The following PIP5K1B variants were observed in gnomAD, a reference collection of about 807,000 sequenced individuals.
PIP5K1B encodes phosphatidylinositol 4-phosphate 5-kinase type-1 beta.
Under a neutral mutation model 67.0 loss-of-function variants are expected in PIP5K1B, and 42 were observed. That is an observed-to-expected ratio of 0.63 (90% CI 0.49 to 0.81). The LOEUF (loss-of-function observed/expected upper bound fraction) is 0.81, where lower values mean the gene tolerates loss of function less well. Among genes scored for constraint, PIP5K1B ranks in the 30% least tolerant of loss-of-function variants. The probability of loss-of-function intolerance (pLI) is 0.00; values close to 1 mark genes in which losing one functional copy is unlikely to be tolerated. For missense variants in PIP5K1B, 459 were observed against 646.3 expected, an observed-to-expected ratio of 0.71 and a Z score of 3.14; for synonymous variants, 214 against 231.4, an observed-to-expected ratio of 0.92 and a Z score of 0.68.
rs200797718 is a variant in PIP5K1B at position 68,918,087 on chromosome 9, A to ATTT, written c.983+329_983+331dup. ...TTTGAATAAACATGTTTTATTGTTT[A>ATTT]TTTATTTATTTTTTTTTTTTGAGAC... On this transcript the variant is annotated intron_variant, in intron 9 of 15. Transcript: ENST00000265382. Among the ~76,000 whole-genome samples, 26 of 133,014 alleles carry ATTT rather than the reference A, an allele frequency of 2.0e-4. 11 individuals are homozygous for ATTT. The highest frequency in any genetic ancestry group is 1.5e-4 in the Non-Finnish European group (9 of 60,248). 87.3% of individuals were successfully genotyped at this position (133,014 alleles called of 152,430 possible).
At chr9:68,880,556 AACACACACAC>A (rs35017818) in intron 6 of PIP5K1B, among the ~76,000 whole-genome samples, 11 of 118,686 alleles carry the variant, frequency 9.3e-5, no homozygotes, top group East Asian at 8.5e-4. Context: ...CTGCATCTGA[AACACACACAC>A]ACACACACAC....
intron 6 of PIP5K1B, among the ~76,000 whole-genome samples, chr9:68,887,357 A>G (rs921878438): frequency 1.9e-4 from 29 of 152,332 alleles, no homozygotes; most frequent in African/African-American, 7.0e-4. Flanking sequence ...TGTCGCAGGC[A>G]CAGGAAAACA....
intron 2 of PIP5K1B, among the ~76,000 whole-genome samples, chr9:68,802,350 A>T (rs1832642946): frequency 6.6e-6 from 1 of 152,246 alleles, no homozygotes; most frequent in South Asian, 2.1e-4. Context: ...AGCTTATCTA[A>T]GAACAACAGA....
chr9:68,936,183 T>G (rs1465500564), intron 13 of PIP5K1B, among the ~76,000 whole-genome samples: 1 of 151,688 alleles, frequency 6.6e-6, no homozygotes, highest in African/African-American at 2.4e-5. Context: ...TTGTCTTTTT[T>G]TCTTTCTTAA....
intron 13 of PIP5K1B, among the ~76,000 whole-genome samples, chr9:68,936,738 G>C (rs1827283561): frequency 6.6e-6 from 1 of 152,090 alleles, no homozygotes; most frequent in South Asian, 2.1e-4. Flanking sequence ...AGGTGCCCTT[G>C]ATCCTCTCCG....
intron 8 of PIP5K1B, among the ~76,000 whole-genome samples, chr9:68,895,265 TAAAAAAAAAA>T (rs11342436): frequency 5.0e-5 from 6 of 121,104 alleles, no homozygotes; most frequent in African/African-American, 1.9e-4. Flanking sequence ...TGCAATGCTT[TAAAAAAAAAA>T]AAAAAAAAAA....
At chr9:68,888,863 C>G in intron 6 of PIP5K1B, 118 bp from the exon 7 acceptor site, 1 of 659,452 alleles carries the variant, frequency 1.5e-6, no homozygotes, top group Non-Finnish European at 2.6e-6. Flanking sequence ...TCTTTTAAAG[C>G]CCGTAGAGAG....
At chr9:68,723,181 A>T (rs62552060) in intron 1 of PIP5K1B, among the ~76,000 whole-genome samples, 49,032 of 147,898 alleles carry the variant, frequency 0.33, 8,107 homozygotes, top group South Asian at 0.44. Flanking sequence ...TGTGTGTGTG[A>T]GAGAGAGAGA....
At chr9:68,737,058 A>G (rs1828773972) in intron 1 of PIP5K1B, among the ~76,000 whole-genome samples, 1 of 152,238 alleles carries the variant, frequency 6.6e-6, no homozygotes, top group African/African-American at 2.4e-5. Flanking sequence ...CTCTTAAGAT[A>G]AATATCCAAG....
At chr9:68,953,313 A>T in intron 14 of PIP5K1B, among the ~76,000 whole-genome samples, 1 of 150,608 alleles carries the variant, frequency 6.6e-6, no homozygotes. Context: ...TCCTTTTTTC[A>T]TGATTGTAAT....
At chr9:68,991,703 T>C (rs1018485818) in intron 15 of PIP5K1B, among the ~76,000 whole-genome samples, 1 of 152,180 alleles carries the variant, frequency 6.6e-6, no homozygotes, top group Non-Finnish European at 1.5e-5. Context: ...CTCTCCTCAG[T>C]TGTCACCAAC....
chr9:68,714,545 T>G (rs1380858198), intron 1 of PIP5K1B, among the ~76,000 whole-genome samples: 2 of 152,212 alleles, frequency 1.3e-5, no homozygotes, highest in Non-Finnish European at 2.9e-5. Flanking sequence ...ACCAGGGCAC[T>G]TGTGATGGTT....
chr9:68,861,383 T>C (rs375957053), intron 4 of PIP5K1B, among the ~76,000 whole-genome samples: 16 of 152,360 alleles, frequency 1.1e-4, no homozygotes, highest in African/African-American at 3.8e-4. Flanking sequence ...TTAGCAAGTA[T>C]ACCCAGTGAT....
intron 2 of PIP5K1B, among the ~76,000 whole-genome samples, chr9:68,790,003 C>T (rs1194018493): frequency 6.6e-6 from 1 of 152,062 alleles, no homozygotes; most frequent in Non-Finnish European, 1.5e-5. Flanking sequence ...TTAATTTATA[C>T]AGTATCTTTG....
At chr9:68,912,065 C>T (rs1825881178) in intron 8 of PIP5K1B, among the ~76,000 whole-genome samples, 1 of 152,188 alleles carries the variant, frequency 6.6e-6, no homozygotes, top group African/African-American at 2.4e-5. Context: ...TCGAGCTCCC[C>T]AGCTGCCCCT....
rs1020005909 is a variant in PIP5K1B, at chr9:68,976,200, G to A, written c.1503-14940G>A. Among the ~76,000 whole-genome samples the A allele has an allele frequency of 7.9e-5, 12 of 152,318 alleles. No individual in the cohort carries two copies. In the East Asian group the frequency reaches 1.3e-3, roughly 17 times the overall value. On this transcript the variant is annotated intron_variant, in intron 14 of 15. Transcript: ENST00000265382. ...AGAGAAATAATAGTGCTTAGGCCAGGAATTGTTTCCTGTTCACTGTGTCTT... is the reference window on the plus strand; with the variant it reads ...AGAGAAATAATAGTGCTTAGGCCAGAAATTGTTTCCTGTTCACTGTGTCTT...
intron 5 of PIP5K1B, among the ~76,000 whole-genome samples, chr9:68,865,149 T>G (rs1173783215): frequency 6.6e-6 from 1 of 152,184 alleles, no homozygotes; most frequent in Non-Finnish European, 1.5e-5. Context: ...GAAGTCTGCT[T>G]GTCTAGGGTC....
intron 2 of PIP5K1B, among the ~76,000 whole-genome samples, chr9:68,762,419 T>C (rs1830226789): frequency 6.6e-6 from 1 of 152,128 alleles, no homozygotes; most frequent in Non-Finnish European, 1.5e-5. Flanking sequence ...TTAATTTGCA[T>C]TTCAGTCCAC....
chr9:68,917,498 A>G, intron 8 of PIP5K1B, 50 bp from the exon 9 acceptor site: 1 of 1,326,326 alleles, frequency 7.5e-7, no homozygotes. Context: ...AGTAGATGAG[A>G]CGAACAGGCC....
Sources: allele counts gnomAD v4.1 joint callset (sites outside exome capture counted in the v4.1 genomes callset), GRCh38; gene constraint gnomAD v4.1.1; transcripts MANE v1.5; gene names NCBI Gene and HGNC (gene_info 2026-07-23, HGNC 2026-07-21).